TDP1: variants seen among roughly 807,000 people sequenced by gnomAD.
The protein encoded by TDP1 is tyr-DNA phosphodiesterase 1.
In TDP1, 64 loss-of-function variants were observed where a neutral mutation model predicts 81.5. The ratio of observed to expected loss-of-function variants is 0.79; its 90% CI spans 0.64 to 0.97. TDP1 has a LOEUF of 0.97. Ranked by LOEUF, TDP1 falls within the 50% of genes least tolerant of loss-of-function variation. TDP1 has a pLI of 0.00. For missense variants in TDP1, 723 were observed against 743.8 expected, an observed-to-expected ratio of 0.97 and a Z score of 0.33; for synonymous variants, 256 against 264.3, an observed-to-expected ratio of 0.97 and a Z score of 0.30.
At chr14:89,985,301 A>G (rs1895435402) in intron 10 of TDP1, 91 bp downstream of exon 10, 3 of 757,734 alleles carry the variant, frequency 4.0e-6, no homozygotes, top group Non-Finnish European at 6.6e-6. Context: ...GCAGCTTCAC[A>G]ATATTTCTGC....
At chr14:90,036,859 G>T (rs1309670896) in intron 16 of TDP1, among the ~76,000 whole-genome samples, 2 of 149,740 alleles carry the variant, frequency 1.3e-5, no homozygotes, top group Non-Finnish European at 2.9e-5. Flanking sequence ...ACCTAGGCTG[G>T]ACTGCAGTGG....
chr14:89,972,426 T>C (rs1427714083), intron 6 of TDP1, among the ~76,000 whole-genome samples: 1 of 152,182 alleles, frequency 6.6e-6, no homozygotes, highest in African/African-American at 2.4e-5. Flanking sequence ...ACATTGGGGA[T>C]TATAATTTGA....
intron 9 of TDP1, chr14:89,984,915 C>CA: frequency 1.0e-6 from 1 of 985,034 alleles, no homozygotes; most frequent in Non-Finnish European, 1.2e-6. Flanking sequence ...GGGTTACTCT[C>CA]ACAATTATTG....
At chr14:89,984,134 T>C in intron 8 of TDP1, 1 of 985,476 alleles carries the variant, frequency 1.0e-6, no homozygotes, top group Middle Eastern at 5.2e-4. Context: ...TAGCATGGAT[T>C]TGCTTTAACC....
chr14:89,989,071 G>T lies in TDP1; in HGVS notation c.1298G>T (p.Ser433Ile). The change falls in exon 11 of 17, where the codon AGC becomes ATC. Residue 433 changes from serine to isoleucine, a missense_variant. Transcript: ENST00000335725. ...AAGGAAAGCAAGACTCCAGGAAAAAGCTCTGTTCCTCTTTACTTGGTGAGT... is the reference window on the plus strand; with the variant it reads ...AAGGAAAGCAAGACTCCAGGAAAAATCTCTGTTCCTCTTTACTTGGTGAGT... ...LGKESKTPGK[S>I]SVPLYLIYPS... is the part of the protein sequence containing the mutation. 1 of 1,613,958 alleles carries T rather than the reference G, an allele frequency of 6.2e-7. No individual in the cohort carries two copies. Among genetic ancestry groups the T allele is most frequent in the Non-Finnish European group, 8.5e-7 (1 of 1,179,924 alleles).
chr14:89,967,360 C>G lies in TDP1; in HGVS notation c.604-7C>G. Reference sequence around the variant, plus strand: ...TGGCTTAGTTACTCTTCTTTTCTCCCATCTAGTTTAACTACTGCTTTGACG... The same window carrying G: ...TGGCTTAGTTACTCTTCTTTTCTCCGATCTAGTTTAACTACTGCTTTGACG... On this transcript the variant is annotated splice_polypyrimidine_tract_variant and splice_region_variant and intron_variant, in intron 4 of 16. Transcript: ENST00000335725. The G allele has an allele frequency of 6.2e-7, 1 of 1,613,640 alleles. No homozygotes were observed. Among genetic ancestry groups the G allele is most frequent in the South Asian group, 1.1e-5 (1 of 91,056 alleles).
At chr14:90,021,649 C>T (rs1305646855) in intron 15 of TDP1, among the ~76,000 whole-genome samples, 1 of 152,198 alleles carries the variant, frequency 6.6e-6, no homozygotes, top group Non-Finnish European at 1.5e-5. Flanking sequence ...AATCCCTAAA[C>T]CGACCTTATA....
At chr14:90,000,092 T>A (rs1158319664) in intron 14 of TDP1, among the ~76,000 whole-genome samples, 1 of 152,150 alleles carries the variant, frequency 6.6e-6, no homozygotes, top group African/African-American at 2.4e-5. Flanking sequence ...CTTGTGGCTG[T>A]AAGCCTGACG....
chr14:89,999,615 T>C (rs1596599504), intron 14 of TDP1, among the ~76,000 whole-genome samples: 1 of 152,346 alleles, frequency 6.6e-6, no homozygotes, highest in Admixed American at 6.5e-5. Context: ...AAAAAAATTA[T>C]AGGAGTAATA....
rs1251800114 is a variant in TDP1 at position 89,985,302 on chromosome 14, A to G, written c.1131+92A>G. The G allele has an allele frequency of 1.1e-5, 8 of 749,150 alleles. 1 individual carries two copies. The highest frequency in any genetic ancestry group is 5.0e-5 in the Admixed American group (2 of 40,314). The allele number at this position is 749,150 out of a possible 1,614,324, so 46.4% of individuals were successfully genotyped here. Reference sequence around the variant, plus strand: ...TTATATATTTTGATGCAGCTTCACAATATTTCTGCACAATTCTGGGCAAAT... The same window carrying G: ...TTATATATTTTGATGCAGCTTCACAGTATTTCTGCACAATTCTGGGCAAAT... On this transcript the variant is annotated intron_variant, in intron 10 of 16. Transcript: ENST00000335725.
rs531727059 is a variant in TDP1 at position 90,014,817 on chromosome 14, T to A, written c.1542-4499T>A. 2.0e-5 allele frequency among the ~76,000 whole-genome samples: 3 copies of A among 152,356 alleles called. No individual in the cohort carries two copies. In the East Asian group the frequency reaches 5.8e-4, roughly 29 times the overall value. ...TTGGTGTTCAAGCAGGGATTGGTGA[T>A]GGCAACTGTTCCCATTACCAAAGTT... On this transcript the variant is annotated intron_variant, in intron 14 of 16. Coordinates refer to ENST00000335725, the MANE Select transcript of TDP1 (RefSeq NM_018319.4).
intron 14 of TDP1, among the ~76,000 whole-genome samples, chr14:90,004,661 AG>A (rs1315402181): frequency 6.6e-6 from 1 of 152,230 alleles, no homozygotes; most frequent in Non-Finnish European, 1.5e-5. Context: ...ATGATGGACA[AG>A]ACAGGTGTGG....
intron 14 of TDP1, among the ~76,000 whole-genome samples, chr14:89,994,644 G>T (rs1896510256): frequency 6.6e-6 from 1 of 152,208 alleles, no homozygotes; most frequent in South Asian, 2.1e-4. Flanking sequence ...GGAAGCACGA[G>T]CCCTGCCATG....
chr14:90,030,244 C>T (rs1887130860), intron 15 of TDP1, among the ~76,000 whole-genome samples: 1 of 152,242 alleles, frequency 6.6e-6, no homozygotes, highest in African/African-American at 2.4e-5. Context: ...TTCCCTGTCA[C>T]CCTCCTCTGT....
At chr14:89,962,694 G>C (rs886257810) in intron 2 of TDP1, among the ~76,000 whole-genome samples, 3 of 150,182 alleles carry the variant, frequency 2.0e-5, no homozygotes, top group African/African-American at 7.5e-5. Context: ...ATGAAACCCT[G>C]TCTCTACCAA....
intron 6 of TDP1, among the ~76,000 whole-genome samples, chr14:89,974,601 G>T (rs1894047711): frequency 6.6e-6 from 1 of 152,180 alleles, no homozygotes. Flanking sequence ...AGTGGGGAGA[G>T]GTTGCAGTAG....
chr14:89,999,474 C>G (rs1897003414), intron 14 of TDP1, among the ~76,000 whole-genome samples: 1 of 152,156 alleles, frequency 6.6e-6, no homozygotes, highest in Non-Finnish European at 1.5e-5. Context: ...GTAAATACAT[C>G]AAAAGCTACG....
intron 5 of TDP1, 31 bp from the exon 6 acceptor site, chr14:89,971,144 T>C: frequency 1.3e-6 from 2 of 1,581,278 alleles, no homozygotes; most frequent in Non-Finnish European, 1.7e-6. Context: ...CCATGAATGA[T>C]GTATATTAAA....
intron 14 of TDP1, among the ~76,000 whole-genome samples, chr14:89,996,328 G>A (rs1027480779): frequency 6.6e-6 from 1 of 152,144 alleles, no homozygotes; most frequent in Admixed American, 6.5e-5. Flanking sequence ...TAATCCCCAA[G>A]AGGAGCCTTG....
Sources: allele counts gnomAD v4.1 joint callset (sites outside exome capture counted in the v4.1 genomes callset), GRCh38; gene constraint gnomAD v4.1.1; transcripts MANE v1.5; gene names NCBI Gene and HGNC (gene_info 2026-07-23, HGNC 2026-07-21).